The following SGCZ variants were observed in gnomAD, a reference collection of about 807,000 sequenced individuals.
SGCZ encodes the protein zeta-sarcoglycan.
Under a neutral mutation model 41.3 loss-of-function variants are expected in SGCZ, and 40 were observed. The ratio of observed to expected loss-of-function variants is 0.97; its 90% CI spans 0.75 to 1.26. The LOEUF (loss-of-function observed/expected upper bound fraction) is 1.26. Ranked by LOEUF, SGCZ falls within the 50% of genes most tolerant of loss-of-function variation. SGCZ has a pLI of 0.00. For synonymous variants in SGCZ, 206 were observed against 137.5 expected, an observed-to-expected ratio of 1.50 and a Z score of -3.49; for missense variants, 552 against 369.8, an observed-to-expected ratio of 1.49 and a Z score of -4.04.
intron 2 of SGCZ, among the ~76,000 whole-genome samples, chr8:14,463,513 T>C (rs1800960994): frequency 2.0e-5 from 3 of 150,936 alleles, no homozygotes; most frequent in Non-Finnish European, 4.4e-5. Flanking sequence ...AAGACCCAAA[T>C]ATGAAATCTA....
chr8:14,904,131 T>G (rs1366828516), intron 1 of SGCZ, among the ~76,000 whole-genome samples: 1 of 152,050 alleles, frequency 6.6e-6, no homozygotes, highest in African/African-American at 2.4e-5. Flanking sequence ...TTTCATGAAA[T>G]ATGTTTATCT....
At chr8:14,664,592 ATTC>A (rs201349428) in intron 1 of SGCZ, among the ~76,000 whole-genome samples, 2,963 of 152,298 alleles carry the variant, frequency 0.019, 44 homozygotes, top group Middle Eastern at 0.034. Context: ...ATCAACACCT[ATTC>A]TTCTTATTAA....
intron 3 of SGCZ, among the ~76,000 whole-genome samples, chr8:14,311,446 T>C (rs192327960): frequency 7.6e-4 from 116 of 152,260 alleles, no homozygotes; most frequent in African/African-American, 2.7e-3. Flanking sequence ...CTGAGTCAGT[T>C]ACATTTACAC....
chr8:15,207,383 T>C (rs1190490545), intron 1 of SGCZ, among the ~76,000 whole-genome samples: 3 of 152,158 alleles, frequency 2.0e-5, no homozygotes, highest in Non-Finnish European at 4.4e-5. Flanking sequence ...GACTGGAAAC[T>C]AATGAAGTAT....
intron 1 of SGCZ, among the ~76,000 whole-genome samples, chr8:15,055,280 A>G (rs56864313): frequency 0.081 from 12,345 of 152,262 alleles, 705 homozygotes; most frequent in East Asian, 0.27. Flanking sequence ...TATTATGCTC[A>G]AAATAAAGCC....
chr8:14,649,607 T>A (rs150414597), intron 1 of SGCZ, among the ~76,000 whole-genome samples: 1 of 152,162 alleles, frequency 6.6e-6, no homozygotes, highest in African/African-American at 2.4e-5. Flanking sequence ...ATGAGAAACA[T>A]AAACCTAACT....
chr8:14,831,007 C>A (rs1282864222), intron 1 of SGCZ, among the ~76,000 whole-genome samples: 2 of 152,118 alleles, frequency 1.3e-5, no homozygotes, highest in East Asian at 3.9e-4. Flanking sequence ...ATGTAAAAAT[C>A]TTATTTGACT....
intron 4 of SGCZ, among the ~76,000 whole-genome samples, chr8:14,204,195 A>C (rs749897311): frequency 6.6e-6 from 1 of 152,100 alleles, no homozygotes; most frequent in Non-Finnish European, 1.5e-5. Context: ...AAACGAAAGA[A>C]ATAGATGGGG....
At chr8:15,146,730 TA>T (rs1028341165) in intron 1 of SGCZ, among the ~76,000 whole-genome samples, 33 of 152,226 alleles carry the variant, frequency 2.2e-4, no homozygotes, top group African/African-American at 7.2e-4. Flanking sequence ...ACTATTTTTT[TA>T]AATTATGTAT....
At chr8:15,061,116 G>C (rs1804908313) in intron 1 of SGCZ, among the ~76,000 whole-genome samples, 1 of 150,288 alleles carries the variant, frequency 6.7e-6, no homozygotes, top group Non-Finnish European at 1.5e-5. Flanking sequence ...ATGTTAGCCA[G>C]CTACTATAAT....
chr8:14,178,157 T>A lies in SGCZ; in HGVS notation c.425-13455A>T, dbSNP rs1048991550. ...TTTGTGGAGATGGGGTTTCACCATG[T>A]TGGCCAGGCTGGTCTCGAACTCCTA... On this transcript the variant is annotated intron_variant, in intron 4 of 7. Transcript: ENST00000382080. Among the ~76,000 whole-genome samples, 3 of 151,906 alleles carry A rather than the reference T, an allele frequency of 2.0e-5. No individual in the cohort carries two copies. In the East Asian group the frequency reaches 5.9e-4, roughly 30 times the overall value.
chr8:14,426,194 T>A (rs1026332985), intron 2 of SGCZ, among the ~76,000 whole-genome samples: 1 of 152,124 alleles, frequency 6.6e-6, no homozygotes, highest in Non-Finnish European at 1.5e-5. Context: ...TAAGCTTAAT[T>A]TCTAGTAAAT....
chr8:14,118,695 G>C (rs569095746), intron 5 of SGCZ, among the ~76,000 whole-genome samples: 1 of 152,112 alleles, frequency 6.6e-6, no homozygotes, highest in Non-Finnish European at 1.5e-5. Context: ...ATGGTTTTAG[G>C]TGTTACATTT....
At chr8:14,671,356 A>G (rs1019012636) in intron 1 of SGCZ, among the ~76,000 whole-genome samples, 3 of 152,192 alleles carry the variant, frequency 2.0e-5, no homozygotes, top group Admixed American at 6.5e-5. Context: ...TCAGGTGTTA[A>G]AACCCTTTTA....
intron 1 of SGCZ, among the ~76,000 whole-genome samples, chr8:15,201,358 T>TAC (rs1375571926): frequency 1.3e-5 from 2 of 152,160 alleles, no homozygotes; most frequent in African/African-American, 4.8e-5. Context: ...ATACACCAGG[T>TAC]ACCTGCCGAT....
At chr8:14,440,773 GTATATA>G (rs2117367736) in intron 2 of SGCZ, among the ~76,000 whole-genome samples, 2 of 144,740 alleles carry the variant, frequency 1.4e-5, no homozygotes, top group Admixed American at 7.0e-5. Context: ...ATGTATATAT[GTATATA>G]CATACGTATA....
At chr8:14,211,234 C>G (rs1805795970) in intron 4 of SGCZ, among the ~76,000 whole-genome samples, 1 of 152,096 alleles carries the variant, frequency 6.6e-6, no homozygotes, top group Non-Finnish European at 1.5e-5. Context: ...CCTGTGTCTG[C>G]TTTCTGTGCT....
chr8:14,297,818 G>C (rs565419599), intron 3 of SGCZ, among the ~76,000 whole-genome samples: 5 of 152,014 alleles, frequency 3.3e-5, no homozygotes, highest in African/African-American at 1.2e-4. Flanking sequence ...AAGTCGCTTT[G>C]TTGGGAAACT....
chr8:14,216,618 A>G (rs1375176059), intron 4 of SGCZ, among the ~76,000 whole-genome samples: 1 of 152,168 alleles, frequency 6.6e-6, no homozygotes, highest in Non-Finnish European at 1.5e-5. Context: ...ACTTTCAAAA[A>G]CCAATTAACA....
Sources: allele counts gnomAD v4.1 joint callset (sites outside exome capture counted in the v4.1 genomes callset), GRCh38; gene constraint gnomAD v4.1.1; transcripts MANE v1.5; gene names NCBI Gene and HGNC (gene_info 2026-07-23, HGNC 2026-07-21).